Variants in SMARCA5 observed in about 807,000 individuals in gnomAD.
SMARCA5 encodes the protein SWI/SNF-related matrix-associated actin-dependent regulator of chromatin subfamily A member 5.
SMARCA5 carries 18 observed loss-of-function variants against 140.4 expected under a neutral mutation model. The ratio of observed to expected loss-of-function variants is 0.13; its 90% CI spans 0.09 to 0.19. The LOEUF is 0.19. Ranked by LOEUF, SMARCA5 falls within the 10% of genes least tolerant of loss-of-function variation. The pLI is 1.00. For missense variants in SMARCA5, 606 were observed against 1,276.8 expected, an observed-to-expected ratio of 0.47 and a Z score of 8.01; for synonymous variants, 449 against 419.6, an observed-to-expected ratio of 1.07 and a Z score of -0.86.
rs1056830673 is a variant in SMARCA5, at chr4:143,556,914, A to G, written c.*3730A>G. 5.3e-5 allele frequency: 8 copies of G among 152,246 alleles called. No individual in the cohort carries two copies. Among genetic ancestry groups the G allele is most frequent in the African/African-American group, 1.9e-4 (8 of 41,464 alleles). The allele number at this position is 152,246 out of a possible 1,614,324, so 9.4% of individuals were successfully genotyped here. ...AATTGAAGTAAGAAGAAAAAGACTG[A>G]AATGATATGATTCTAAATGAAAAAA... On this transcript the variant is annotated 3_prime_UTR_variant, in exon 24 of 24. Transcript: ENST00000283131.
intron 6 of SMARCA5, among the ~76,000 whole-genome samples, chr4:143,527,592 C>G (rs937496753): frequency 2.0e-5 from 3 of 152,290 alleles, no homozygotes; most frequent in African/African-American, 7.2e-5. Flanking sequence ...ATTTCCCGAT[C>G]TAGTGGAATT....
chr4:143,550,149 C>A, intron 23 of SMARCA5, 45 bp downstream of exon 23: 1 of 1,168,416 alleles, frequency 8.6e-7, no homozygotes, highest in Non-Finnish European at 1.2e-6. Flanking sequence ...TGTAAATTTC[C>A]CCTTTCTAAG....
At position 143,544,739 on chromosome 4, in the gene SMARCA5, T is replaced by G. The variant is rs1457567191; in HGVS notation, c.2175T>G (p.Ile725Met). The change falls in exon 17 of 24, where the codon ATT (isoleucine) becomes ATG (methionine). Residue 725 changes from isoleucine (I) to methionine (M), a missense_variant and splice_region_variant. This residue lies in a region of SMARCA5 where 62 missense variants were observed against 256.6 expected (regional missense o/e 0.24). Transcript: ENST00000283131. ...EGEDYREKQK[I>M]AFTEWIEPPK... ...TTGAGTTGTTTCCCATGTGCTAGAT[T>G]GCATTCACAGAGTGGATTGAACCAC... 4 of 1,579,796 alleles carry G rather than the reference T, an allele frequency of 2.5e-6. No homozygotes were observed. The highest frequency in any genetic ancestry group is 3.5e-6 in the Non-Finnish European group (4 of 1,153,882).
At chr4:143,525,635 A>G in intron 5 of SMARCA5, 84 bp downstream of exon 5, 2 of 910,192 alleles carry the variant, frequency 2.2e-6, no homozygotes, top group Admixed American at 3.6e-5. Context: ...ACAGTCTACA[A>G]CTGTTAGCAA....
At chr4:143,540,873 T>C (rs1438074614) in intron 14 of SMARCA5, among the ~76,000 whole-genome samples, 1 of 152,234 alleles carries the variant, frequency 6.6e-6, no homozygotes, top group East Asian at 1.9e-4. Flanking sequence ...TAACTACTCT[T>C]GATTACTGTG....
At chr4:143,544,337 T>G (rs1292548134) in intron 16 of SMARCA5, 4 of 175,046 alleles carry the variant, frequency 2.3e-5, no homozygotes, top group African/African-American at 9.4e-5. Flanking sequence ...AATATAGAGA[T>G]AAATTGAAAA....
intron 1 of SMARCA5, among the ~76,000 whole-genome samples, chr4:143,517,055 A>G (rs1736856445): frequency 6.6e-6 from 1 of 152,232 alleles, no homozygotes; most frequent in Non-Finnish European, 1.5e-5. Flanking sequence ...ACAGAAAAAG[A>G]GAAACAGATT....
At chr4:143,531,546 A>G (rs1032003488) in intron 9 of SMARCA5, among the ~76,000 whole-genome samples, 1 of 152,176 alleles carries the variant, frequency 6.6e-6, no homozygotes, top group South Asian at 2.1e-4. Context: ...GTATTGTAGC[A>G]TGTTTAATAG....
intron 20 of SMARCA5, 148 bp from the exon 21 acceptor site, chr4:143,547,237 G>A: frequency 7.0e-6 from 4 of 569,972 alleles, no homozygotes; most frequent in South Asian, 2.5e-5. Context: ...GTATTATTAG[G>A]TTAACATGTG....
chr4:143,520,377 A>G (rs1450323062), intron 2 of SMARCA5, among the ~76,000 whole-genome samples: 5 of 152,216 alleles, frequency 3.3e-5, no homozygotes. Flanking sequence ...CTGGGGTTCT[A>G]GCATGTTCAC....
Position 143,555,397 on chromosome 4 carries a change from A to G in SMARCA5, c.*2213A>G. 2 of 673,676 alleles carry G rather than the reference A, an allele frequency of 3.0e-6. No homozygotes were observed. The highest frequency in any genetic ancestry group is 5.5e-6 in the Non-Finnish European group (2 of 362,284). The allele number at this position is 673,676 out of a possible 1,614,324, so 41.7% of individuals were successfully genotyped here. On this transcript the variant is annotated 3_prime_UTR_variant, in exon 24 of 24. Coordinates refer to ENST00000283131, the MANE Select transcript of SMARCA5 (RefSeq NM_003601.4). ...CACCACCATGGCTGCCACCAAAGCC[A>G]CCACGATCACAGAACTTGATGACTG... is the stretch of plus-strand genomic sequence containing the variant.
Position 143,555,424 on chromosome 4 carries a change from A to T in SMARCA5, c.*2240A>T. ...CACGATCACAGAACTTGATGACTGT[A>T]TTTGTGACTAATTGTATAATAGTTT... On this transcript the variant is annotated 3_prime_UTR_variant, in exon 24 of 24. Coordinates refer to ENST00000283131, the MANE Select transcript of SMARCA5 (RefSeq NM_003601.4). 3.2e-6 allele frequency: 2 copies of T among 618,840 alleles called. No homozygotes were observed. The highest frequency in any genetic ancestry group is 3.1e-5 in the South Asian group (2 of 63,658). 38.3% of individuals were successfully genotyped at this position (618,840 alleles called of 1,614,324 possible). A position where few individuals can be genotyped will look rare whatever the true frequency, so the allele number is the denominator to read the frequency against.
chr4:143,524,535 A>G, intron 4 of SMARCA5, 68 bp downstream of exon 4: 4 of 996,338 alleles, frequency 4.0e-6, no homozygotes, highest in South Asian at 1.4e-5. Flanking sequence ...AATGTTTTGG[A>G]TTTGTGTTGG....
intron 14 of SMARCA5, among the ~76,000 whole-genome samples, chr4:143,541,926 C>T (rs577839133): frequency 1.3e-5 from 2 of 151,698 alleles, no homozygotes; most frequent in East Asian, 1.9e-4. Flanking sequence ...GGCACGATCT[C>T]GGCTCACTGC....
At chr4:143,521,893 CAAAA>C (rs58679947) in intron 3 of SMARCA5, among the ~76,000 whole-genome samples, 14 of 44,810 alleles carry the variant, frequency 3.1e-4, no homozygotes, top group African/African-American at 6.8e-4. Flanking sequence ...CCCATCTCTA[CAAAA>C]AAAAAAAAAA....
At position 143,514,083 on chromosome 4, in the gene SMARCA5, C is replaced by G; in HGVS notation, c.159C>G (p.Pro53=). The G allele has an allele frequency of 1.3e-6, 2 of 1,552,764 alleles. No individual in the cohort carries two copies. Among genetic ancestry groups the G allele is most frequent in the Non-Finnish European group, 8.6e-7 (1 of 1,157,678 alleles). ...QAVASAASAG[P]ADAEMEEIFD... ...TTGCGTCTGCGGCCAGCGCTGGTCC[C>G]GCAGACGCCGAGATGGAGGTGAGGG... The change falls in exon 1 of 24, where the codon CCC becomes CCG. Residue 53 remains proline (P), a synonymous_variant. Coordinates refer to ENST00000283131, the MANE Select transcript of SMARCA5 (RefSeq NM_003601.4).
intron 8 of SMARCA5, among the ~76,000 whole-genome samples, chr4:143,528,944 A>AT (rs1003391470): frequency 6.6e-6 from 1 of 151,012 alleles, no homozygotes; most frequent in African/African-American, 2.4e-5. Flanking sequence ...TTATTATTTT[A>AT]TTTTTTTTGA....
At chr4:143,549,877 TA>T in intron 22 of SMARCA5, 119 bp from the exon 23 acceptor site, 3 of 548,574 alleles carry the variant, frequency 5.5e-6, no homozygotes, top group South Asian at 1.9e-5. Context: ...GTTTTTTTTT[TA>T]AATCAGGGGT....
chr4:143,544,116 G>T, intron 16 of SMARCA5, 144 bp downstream of exon 16: 1 of 487,788 alleles, frequency 2.1e-6, no homozygotes, highest in East Asian at 3.6e-5. Context: ...TCATCATTAT[G>T]TAAAATTTAA....
Sources: allele counts gnomAD v4.1 joint callset (sites outside exome capture counted in the v4.1 genomes callset), GRCh38; gene constraint gnomAD v4.1.1; regional missense constraint gnomAD v4.1.1; transcripts MANE v1.5; gene names NCBI Gene and HGNC (gene_info 2026-07-23, HGNC 2026-07-21).